The following LRRC37A2 variants were observed in gnomAD, a reference collection of about 807,000 sequenced individuals.
LRRC37A2 encodes the protein leucine-rich repeat-containing protein 37A2.
In LRRC37A2, 9 loss-of-function variants were observed where a neutral mutation model predicts 68.8. The observed-to-expected ratio is 0.13, with a 90% CI of 0.08 to 0.23. LRRC37A2 has a LOEUF of 0.23. Among genes scored for constraint, LRRC37A2 ranks in the 10% least tolerant of loss-of-function variants. The pLI is 1.00. For missense variants in LRRC37A2, 168 were observed against 950.4 expected (o/e 0.18, Z 10.82); for synonymous variants, 63 against 367.6 (o/e 0.17, Z 9.48).
chr17:46,678,727 C>A, the LRRC37A2 span, among the ~76,000 whole-genome samples: 1 of 117,734 alleles, frequency 8.5e-6, no homozygotes, highest in East Asian at 2.3e-4. Context: ...TGCTGAAAAC[C>A]AAAAATGAGA....
At chr17:46,762,912 A>T in the LRRC37A2 span, 2 of 152,248 alleles carry the variant, frequency 1.3e-5, no homozygotes, top group East Asian at 3.8e-4. Context: ...ATTCGTATCC[A>T]TTCTGCTGAA....
the LRRC37A2 span, among the ~76,000 whole-genome samples, chr17:46,910,452 G>A: frequency 1.3e-5 from 2 of 152,136 alleles, no homozygotes; most frequent in Non-Finnish European, 2.9e-5. Context: ...TGACTCTCAC[G>A]GTGGGGTAAG....
At chr17:46,944,290 AAG>A in the LRRC37A2 span, among the ~76,000 whole-genome samples, 1 of 152,344 alleles carries the variant, frequency 6.6e-6, no homozygotes, top group African/African-American at 2.4e-5. Context: ...AGGCTGTGGT[AAG>A]AGCGCTGAGC....
chr17:46,869,311 G>C, the LRRC37A2 span, among the ~76,000 whole-genome samples: 1 of 152,314 alleles, frequency 6.6e-6, no homozygotes, highest in South Asian at 2.1e-4. Flanking sequence ...GGGGCCTGAG[G>C]ATTTGCATTC....
the LRRC37A2 span, among the ~76,000 whole-genome samples, chr17:46,980,666 C>CAAAAAAA: frequency 2.3e-4 from 19 of 83,884 alleles, 1 homozygote; most frequent in Admixed American, 8.1e-4. Context: ...ACTAAAAATA[C>CAAAAAAA]AAAAAAAAAA....
chr17:46,759,332 G>A, the LRRC37A2 span, among the ~76,000 whole-genome samples: 2 of 152,364 alleles, frequency 1.3e-5, no homozygotes, highest in South Asian at 4.1e-4. Context: ...ACTGGGTCCT[G>A]GAGACGAGCC....
At chr17:46,760,472 A>C in the LRRC37A2 span, among the ~76,000 whole-genome samples, 2 of 151,466 alleles carry the variant, frequency 1.3e-5, no homozygotes, top group South Asian at 2.1e-4. Flanking sequence ...CTCTAAAAAA[A>C]AAAAATTAAA....
the LRRC37A2 span, among the ~76,000 whole-genome samples, chr17:46,974,118 T>C: frequency 6.6e-6 from 1 of 152,248 alleles, no homozygotes; most frequent in South Asian, 2.1e-4. Context: ...AAGGCACAGC[T>C]GACCCCAGAA....
chr17:46,813,748 T>C, the LRRC37A2 span, among the ~76,000 whole-genome samples: 1 of 152,200 alleles, frequency 6.6e-6, no homozygotes. Context: ...CCTGGCTCCT[T>C]GTCTCCTGCC....
the LRRC37A2 span, among the ~76,000 whole-genome samples, chr17:46,887,948 A>G: frequency 2.0e-5 from 3 of 152,184 alleles, no homozygotes; most frequent in Admixed American, 2.0e-4. Context: ...ATGTGATGAA[A>G]CTGACAACCC....
the LRRC37A2 span, among the ~76,000 whole-genome samples, chr17:46,943,707 A>G: frequency 6.6e-6 from 1 of 152,244 alleles, no homozygotes; most frequent in African/African-American, 2.4e-5. Flanking sequence ...CCAGGCCAGG[A>G]GGAAGCCAGA....
the LRRC37A2 span, among the ~76,000 whole-genome samples, chr17:46,946,565 A>G: frequency 4.0e-5 from 6 of 151,530 alleles, no homozygotes; most frequent in Non-Finnish European, 5.9e-5. Flanking sequence ...CAGAAAAGTA[A>G]TTAATAATTA....
the LRRC37A2 span, among the ~76,000 whole-genome samples, chr17:46,910,883 T>C: frequency 6.6e-6 from 1 of 151,986 alleles, no homozygotes; most frequent in Middle Eastern, 3.2e-3. Context: ...GGCTCCAACT[T>C]TGGGAGGTAG....
chr17:46,926,843 G>A, the LRRC37A2 span, among the ~76,000 whole-genome samples: 2 of 152,188 alleles, frequency 1.3e-5, no homozygotes, highest in Non-Finnish European at 2.9e-5. Flanking sequence ...TGGATTATGG[G>A]CCTGTACAAA....
At chr17:46,992,363 G>A in the LRRC37A2 span, among the ~76,000 whole-genome samples, 6 of 151,652 alleles carry the variant, frequency 4.0e-5, no homozygotes, top group South Asian at 2.1e-4. Flanking sequence ...GCAAGACTCC[G>A]TCTCGGGAAA....
chr17:46,902,514 A>T, the LRRC37A2 span, among the ~76,000 whole-genome samples: 1 of 151,224 alleles, frequency 6.6e-6, no homozygotes, highest in Non-Finnish European at 1.5e-5. Flanking sequence ...GAGAGAGACA[A>T]AATGCTATGG....
the LRRC37A2 span, among the ~76,000 whole-genome samples, chr17:46,823,213 T>TA: frequency 7.4e-6 from 1 of 135,040 alleles, no homozygotes; most frequent in Non-Finnish European, 1.5e-5. Context: ...TATAATATAT[T>TA]ATATATTATA....
rs1280951436 is a variant in LRRC37A2, at chr17:46,542,575, G to C, written c.3053+1694G>C. On this transcript the variant is annotated intron_variant, in intron 8 of 14. Transcript: ENST00000576629. ...CCAGGTGTGGTGGCACACGCCTGTA[G>C]TCCCAGCTACTAGGGAACCTGAGTC... 1.3e-5 allele frequency among the ~76,000 whole-genome samples: 2 copies of C among 149,450 alleles called. 1 individual carries two copies. The highest frequency in any genetic ancestry group is 5.1e-5 in the African/African-American group (2 of 39,080).
the LRRC37A2 span, among the ~76,000 whole-genome samples, chr17:46,766,651 G>A: frequency 3.9e-5 from 6 of 152,164 alleles, no homozygotes; most frequent in Admixed American, 3.3e-4. Flanking sequence ...TAGATGGGCT[G>A]AGTGAGTCGC....
Sources: allele counts gnomAD v4.1 joint callset (sites outside exome capture counted in the v4.1 genomes callset), GRCh38; gene constraint gnomAD v4.1.1; transcripts MANE v1.5; gene names NCBI Gene and HGNC (gene_info 2026-07-23, HGNC 2026-07-21).